DISC1: variants seen among roughly 807,000 people sequenced by gnomAD.
DISC1 encodes DISC1 scaffold protein, also known as disrupted in schizophrenia 1 protein.
A neutral mutation model predicts 84.5 loss-of-function variants in DISC1; 57 were observed. That is an observed-to-expected ratio of 0.67 (90% CI 0.55 to 0.84). DISC1 has a LOEUF of 0.84. Among genes scored for constraint, DISC1 ranks in the 40% least tolerant of loss-of-function variants. The pLI is 0.00. For missense variants in DISC1, 1,000 were observed against 1,057.8 expected (o/e 0.95, Z 0.76); for synonymous variants, 411 against 415.2 (o/e 0.99, Z 0.12).
rs549081650 is a variant in DISC1 at position 232,038,519 on chromosome 1, A to G, written c.*1688A>G. On this transcript the variant is annotated 3_prime_UTR_variant, in exon 13 of 13. Transcript: ENST00000439617. ...CATATTAGTCTGAGAGAGAACTTAT[A>G]GTAAGGAAACTCACTTGATTTTATC... The G allele has an allele frequency of 4.6e-5, 7 of 152,308 alleles. No homozygotes were observed. The highest frequency in any genetic ancestry group is 2.1e-4 in the South Asian group (1 of 4,830). The allele number at this position is 152,308 out of a possible 1,614,324, so 9.4% of individuals were successfully genotyped here.
chr1:232,004,674 T>C (rs1667112430), intron 10 of DISC1, among the ~76,000 whole-genome samples: 1 of 152,034 alleles, frequency 6.6e-6, no homozygotes, highest in South Asian at 2.1e-4. Flanking sequence ...GAAATACAAC[T>C]TCAAACGAGA....
At chr1:231,837,359 A>G (rs972584035) in intron 9 of DISC1, among the ~76,000 whole-genome samples, 2 of 152,184 alleles carry the variant, frequency 1.3e-5, no homozygotes, top group African/African-American at 4.8e-5. Context: ...GATATTTTTT[A>G]TCCCAAAGTG....
At chr1:231,704,223 A>C (rs915710923) in intron 3 of DISC1, among the ~76,000 whole-genome samples, 1 of 152,200 alleles carries the variant, frequency 6.6e-6, no homozygotes, top group Non-Finnish European at 1.5e-5. Context: ...CTCTGAATGC[A>C]TGGAGGCTAT....
chr1:231,881,236 G>T (rs1056756172), intron 9 of DISC1, among the ~76,000 whole-genome samples: 2 of 152,190 alleles, frequency 1.3e-5, no homozygotes, highest in African/African-American at 4.8e-5. Context: ...TGGTCTGCTT[G>T]AGCTGCCATA....
At chr1:231,825,924 T>G (rs556095888) in intron 9 of DISC1, among the ~76,000 whole-genome samples, 137 of 152,384 alleles carry the variant, frequency 9.0e-4, no homozygotes, top group African/African-American at 3.0e-3. Context: ...ATATTCAGTA[T>G]GTATTTCTTG....
intron 3 of DISC1, among the ~76,000 whole-genome samples, chr1:231,735,897 C>G (rs1437523087): frequency 6.6e-6 from 1 of 152,222 alleles, no homozygotes; most frequent in Non-Finnish European, 1.5e-5. Flanking sequence ...ACTGCAACCT[C>G]TGCCTCCTGG....
chr1:231,748,030 C>T (rs982189552), intron 3 of DISC1, among the ~76,000 whole-genome samples: 2 of 151,864 alleles, frequency 1.3e-5, no homozygotes, highest in Admixed American at 1.3e-4. Flanking sequence ...ATTTATTTTT[C>T]AGCTAGTTTA....
chr1:231,975,124 A>G (rs1662607529), intron 10 of DISC1, among the ~76,000 whole-genome samples: 1 of 152,074 alleles, frequency 6.6e-6, no homozygotes, highest in Non-Finnish European at 1.5e-5. Flanking sequence ...AACAATAACA[A>G]CAACAACAAC....
At chr1:231,692,618 C>T (rs917626232) in intron 1 of DISC1, among the ~76,000 whole-genome samples, 3 of 152,168 alleles carry the variant, frequency 2.0e-5, no homozygotes, top group Non-Finnish European at 4.4e-5. Context: ...GAAGTTTGTT[C>T]CATTTCTCGC....
At chr1:231,840,315 T>C (rs1203739683) in intron 9 of DISC1, among the ~76,000 whole-genome samples, 1 of 152,144 alleles carries the variant, frequency 6.6e-6, no homozygotes, top group Non-Finnish European at 1.5e-5. Context: ...TTATTTATCC[T>C]CTAGAAATAA....
In DISC1 at chr1:231,693,869, GC is replaced by G; in HGVS notation, c.112del (p.Arg38GlyfsTer9). ...LPPAACFRRRRLARRPGYMRS... is the reference protein window; with the variant it reads ...LPPAACFRRRXLARRPGYMRS... ...CACCTGCAGCGTGCTTTCGGAGGCG[GC>G]GGCTGGCACGGAGGCCGGGCTACAT... On this transcript the variant is annotated frameshift_variant, in exon 2 of 13. Transcript: ENST00000439617. LOFTEE classifies it high-confidence loss of function. 1 of 1,614,088 alleles carries G rather than the reference GC, an allele frequency of 6.2e-7. No individual in the cohort carries two copies. Among genetic ancestry groups the G allele is most frequent in the Non-Finnish European group, 8.5e-7 (1 of 1,180,026 alleles).
intron 9 of DISC1, among the ~76,000 whole-genome samples, chr1:231,884,178 C>T (rs1481075891): frequency 6.6e-6 from 1 of 152,126 alleles, no homozygotes; most frequent in Admixed American, 6.5e-5. Context: ...GCAGTGGCAA[C>T]CTCCGAGTGT....
intron 4 of DISC1, among the ~76,000 whole-genome samples, chr1:231,754,347 C>T (rs1392482622): frequency 1.3e-5 from 2 of 152,178 alleles, no homozygotes; most frequent in African/African-American, 4.8e-5. Context: ...GGCATCTGCT[C>T]TGGCTTCTGG....
chr1:231,663,309 A>G (rs1415290223), intron 1 of DISC1, among the ~76,000 whole-genome samples: 2 of 152,350 alleles, frequency 1.3e-5, no homozygotes, highest in East Asian at 3.9e-4. Flanking sequence ...GAGCTCCACA[A>G]TATACGAAGC....
chr1:231,701,653 C>T (rs1025732296), intron 2 of DISC1, among the ~76,000 whole-genome samples: 20 of 151,912 alleles, frequency 1.3e-4, no homozygotes, highest in African/African-American at 4.6e-4. Flanking sequence ...ATTTGTATTC[C>T]TTCTCATTAT....
At chr1:231,955,007 C>T in intron 9 of DISC1, among the ~76,000 whole-genome samples, 1 of 152,202 alleles carries the variant, frequency 6.6e-6, no homozygotes, top group Non-Finnish European at 1.5e-5. Context: ...CCAACTGGTG[C>T]TTCAGACACT....
chr1:231,663,082 T>C (rs1250262039), intron 1 of DISC1, among the ~76,000 whole-genome samples: 1 of 152,198 alleles, frequency 6.6e-6, no homozygotes, highest in Non-Finnish European at 1.5e-5. Flanking sequence ...TCTAACTGCA[T>C]GCTATGAGAG....
Position 231,980,621 on chromosome 1 carries a change from G to T in DISC1, c.2042+21733G>T, listed in dbSNP as rs116695681. Among the ~76,000 whole-genome samples, 1,504 of 152,268 alleles carry T rather than the reference G, an allele frequency of 9.9e-3. 19 individuals carry two copies. The highest frequency in any genetic ancestry group is 0.017 in the Middle Eastern group (5 of 294). Reference sequence around the variant, plus strand: ...AAACATGGTTTTAATAGTAATTGATGTTCCAGTAAGTGCACATACTATAAC... The same window carrying T: ...AAACATGGTTTTAATAGTAATTGATTTTCCAGTAAGTGCACATACTATAAC... On this transcript the variant is annotated intron_variant, in intron 10 of 12. Transcript: ENST00000439617.
chr1:231,861,868 A>G (rs1189474330), intron 9 of DISC1, among the ~76,000 whole-genome samples: 1 of 152,198 alleles, frequency 6.6e-6, no homozygotes, highest in African/African-American at 2.4e-5. Context: ...CTGTAGGCCT[A>G]GGAAGCTTTA....
Sources: allele counts gnomAD v4.1 joint callset (sites outside exome capture counted in the v4.1 genomes callset), GRCh38; gene constraint gnomAD v4.1.1; transcripts MANE v1.5; gene names NCBI Gene and HGNC (gene_info 2026-07-23, HGNC 2026-07-21).